The following TNS4 variants were observed in gnomAD, a reference collection of about 807,000 sequenced individuals.
TNS4 encodes tensin 4.
TNS4 carries 46 observed loss-of-function variants against 70.4 expected under a neutral mutation model. The ratio of observed to expected loss-of-function variants is 0.65; its 90% confidence interval spans 0.52 to 0.84. TNS4 has a LOEUF of 0.84. Among genes scored for constraint, TNS4 ranks in the 40% least tolerant of loss-of-function variants. TNS4 has a pLI of 0.00. For synonymous variants in TNS4, 390 were observed against 366.6 expected, an observed-to-expected ratio of 1.06 and a Z score of -0.73; for missense variants, 863 against 907.0, an observed-to-expected ratio of 0.95 and a Z score of 0.62.
intron 2 of TNS4, among the ~76,000 whole-genome samples, chr17:40,492,840 T>G (rs56220023): frequency 5.3e-5 from 8 of 150,822 alleles, no homozygotes; most frequent in South Asian, 2.1e-4. Flanking sequence ...AGGTCAAGAG[T>G]TCAAGACCAG....
chr17:40,492,809 G>A (rs1381814761), intron 2 of TNS4, among the ~76,000 whole-genome samples: 5 of 151,858 alleles, frequency 3.3e-5, no homozygotes, highest in Non-Finnish European at 7.4e-5. Flanking sequence ...GGCCAAGGTG[G>A]GCGAATCACC....
rs771789885 is a variant in TNS4 at position 40,488,606 on chromosome 17, C to T, written c.803G>A (p.Gly268Asp). 35 of 1,516,312 alleles carry T rather than the reference C, an allele frequency of 2.3e-5. No individual in the cohort carries two copies. Among genetic ancestry groups the T allele is most frequent in the Non-Finnish European group, 3.0e-5 (34 of 1,132,698 alleles). 93.9% of individuals were successfully genotyped at this position (1,516,312 alleles called of 1,614,324 possible). A position where few individuals can be genotyped will look rare whatever the true frequency, so the allele number is the denominator to read the frequency against. Residue 268 changes from glycine (G) to aspartate (D), a missense_variant, in exon 3 of 13, where the codon GGC becomes GAC. By Grantham distance (94) the Gly-to-Asp change is moderately conservative. Transcript: ENST00000254051. ...KRLGGLAPQR[G>D]SRISVLSASP... ...GGCTGACAGCACAGAGATCCTGCTG[C>T]CCCGCTGTGGGGCCAGGCCTCCCAG...
In TNS4 at chr17:40,480,754, C is replaced by A. The variant is rs1340374224; in HGVS notation, c.1687G>T (p.Asp563Tyr). Reference sequence around the variant, plus strand: ...CTGTCTGTAGAGTCCGAGGCCCCATCTGCACCTCCCAGTTCTGAGCCAAGG... The same window carrying A: ...CTGTCTGTAGAGTCCGAGGCCCCATATGCACCTCCCAGTTCTGAGCCAAGG... ...TIPQRELGGA[D>Y]GASDSTDSPA... Residue 563 changes from aspartate (D) to tyrosine (Y), a missense_variant, in exon 9 of 13, where the codon GAT becomes TAT. By Grantham distance (160) the Asp-to-Tyr change is radical. Transcript: ENST00000254051. The A allele has an allele frequency of 1.2e-6, 2 of 1,601,208 alleles. No individual in the cohort carries two copies. The highest frequency in any genetic ancestry group is 1.7e-6 in the Non-Finnish European group (2 of 1,174,800).
intron 2 of TNS4, among the ~76,000 whole-genome samples, chr17:40,490,457 C>T (rs754434637): frequency 6.6e-6 from 1 of 152,208 alleles, no homozygotes; most frequent in Non-Finnish European, 1.5e-5. Flanking sequence ...CTCTAGCTTC[C>T]TGGGATGGAG....
intron 1 of TNS4, among the ~76,000 whole-genome samples, chr17:40,500,814 G>A (rs1196569202): frequency 1.4e-5 from 2 of 139,526 alleles, no homozygotes; most frequent in Non-Finnish European, 3.1e-5. Flanking sequence ...ACCCAGACCC[G>A]GTGACGCAGG....
chr17:40,494,065 G>A (rs927769302), intron 2 of TNS4, among the ~76,000 whole-genome samples: 3 of 152,270 alleles, frequency 2.0e-5, no homozygotes, highest in African/African-American at 7.2e-5. Flanking sequence ...AGGGGACAGA[G>A]CAGGCAGGAG....
At chr17:40,483,718 G>A (rs1336369147) in intron 6 of TNS4, among the ~76,000 whole-genome samples, 1 of 152,150 alleles carries the variant, frequency 6.6e-6, no homozygotes, top group Admixed American at 6.6e-5. Context: ...CCTCCCCAGA[G>A]GTCACTTTCT....
chr17:40,480,143 C>T (rs780377843), intron 9 of TNS4: 54 of 372,490 alleles, frequency 1.4e-4, no homozygotes, highest in Middle Eastern at 7.0e-4. Context: ...CCACACTTAA[C>T]GGCTGCTCTC....
At chr17:40,478,145 C>G (rs1567807513) in intron 12 of TNS4, 162 bp downstream of exon 12, 2 of 893,616 alleles carry the variant, frequency 2.2e-6, no homozygotes, top group East Asian at 5.3e-5. Context: ...CCCAGAGGCT[C>G]TGAGGGCAGT....
chr17:40,484,642 G>C, intron 5 of TNS4, 33 bp from the exon 6 acceptor site: 1 of 1,608,484 alleles, frequency 6.2e-7, no homozygotes, highest in Non-Finnish European at 8.5e-7. Context: ...GATGGACACC[G>C]CCCCACCTGG....
rs761400508 is a variant in TNS4 at position 40,482,447 on chromosome 17, A to G, written c.1502-31T>C. On this transcript the variant is annotated intron_variant, in intron 6 of 12. Coordinates refer to ENST00000254051, the MANE Select transcript of TNS4 (RefSeq NM_032865.6). ...CAGAGAAGAAAGAGTGCATTCGGAT[A>G]GAATTCCACCTTGTGGCCGGGCGCG... The G allele has an allele frequency of 5.6e-6, 9 of 1,610,270 alleles. No individual in the cohort carries two copies. In the East Asian group the frequency reaches 2.0e-4, roughly 36 times the overall value.
At position 40,477,426 on chromosome 17, in the gene TNS4, G is replaced by A; in HGVS notation, c.*162C>T. 1 of 879,136 alleles carries A rather than the reference G, an allele frequency of 1.1e-6. No individual in the cohort carries two copies. Among genetic ancestry groups the A allele is most frequent in the Non-Finnish European group, 1.7e-6 (1 of 595,276 alleles). The allele number at this position is 879,136 out of a possible 1,614,324, so 54.5% of individuals were successfully genotyped here. A position where few individuals can be genotyped will look rare whatever the true frequency, so the allele number is the denominator to read the frequency against. The stretch of plus-strand genomic sequence containing the variant: ...GGGGGTCTGGATGATGGTGACTGCT[G>A]AAGGCCATAGCAGGTTCAAGGGTGT... On this transcript the variant is annotated 3_prime_UTR_variant, in exon 13 of 13. Transcript: ENST00000254051.
intron 4 of TNS4, among the ~76,000 whole-genome samples, chr17:40,485,648 A>G (rs1597692825): frequency 1.3e-5 from 2 of 152,322 alleles, no homozygotes; most frequent in South Asian, 2.1e-4. Context: ...GCAGAATTTG[A>G]TAAGATCTGG....
chr17:40,487,164 G>A lies in TNS4; in HGVS notation c.1160C>T (p.Pro387Leu), dbSNP rs748541859. The change falls in exon 4 of 13, where the codon CCA becomes CTA. Residue 387 changes from proline (P) to leucine (L), a missense_variant. Transcript: ENST00000254051. ...INGCPEPGSS[P>L]PQRTPGHQNS... Reference sequence around the variant, plus strand: ...CTGGTGTCCTGGGGTCCGCTGGGGTGGAGAAGACCCTGGTTCTGGGCAGCC... The same window carrying A: ...CTGGTGTCCTGGGGTCCGCTGGGGTAGAGAAGACCCTGGTTCTGGGCAGCC... 6.2e-7 allele frequency: 1 copy of A among 1,614,036 alleles called. No individual in the cohort carries two copies. The highest frequency in any genetic ancestry group is 1.3e-5 in the African/African-American group (1 of 74,912).
Position 40,479,742 on chromosome 17 carries a change from G to A in TNS4, c.1842C>T (p.Leu614=), listed in dbSNP as rs375406751. ...TGAAGTGGACCACGGTGGGCGTGGG[G>A]AGGATGTCCCTCTCAAAGGTGGTGG... ...AISTTFERDI[L]PTPTVVHFKV... is the part of the protein sequence containing the mutation. Residue 614 remains leucine, a synonymous_variant, in exon 10 of 13, where the codon CTC becomes CTT. Coordinates refer to ENST00000254051, the MANE Select transcript of TNS4 (RefSeq NM_032865.6). 1 of 1,614,106 alleles carries A rather than the reference G, an allele frequency of 6.2e-7. No homozygotes were observed. The highest frequency in any genetic ancestry group is 1.1e-5 in the South Asian group (1 of 91,086).
At chr17:40,496,779 A>G (rs1037531841) in intron 1 of TNS4, among the ~76,000 whole-genome samples, 1 of 152,242 alleles carries the variant, frequency 6.6e-6, no homozygotes, top group African/African-American at 2.4e-5. Flanking sequence ...CTGGCACATA[A>G]TAAGCATTAT....
At chr17:40,480,469 C>G (rs2035907163) in intron 9 of TNS4, among the ~76,000 whole-genome samples, 1 of 152,156 alleles carries the variant, frequency 6.6e-6, no homozygotes. Flanking sequence ...AGTTCTGCCA[C>G]TCCCCCCACC....
chr17:40,486,034 C>T (rs987119193), intron 4 of TNS4, among the ~76,000 whole-genome samples: 17 of 151,486 alleles, frequency 1.1e-4, no homozygotes, highest in Non-Finnish European at 2.5e-4. Flanking sequence ...GCGTCATGGC[C>T]AAGTGGGGGC....
chr17:40,492,811 C>T (rs750980237), intron 2 of TNS4, among the ~76,000 whole-genome samples: 3 of 151,652 alleles, frequency 2.0e-5, no homozygotes, highest in East Asian at 3.9e-4. Context: ...CCAAGGTGGG[C>T]GAATCACCGA....
Sources: gnomAD v4.1 joint callset for allele counts (sites outside exome capture counted in the v4.1 genomes callset) on GRCh38, gnomAD v4.1.1 for gene constraint, MANE v1.5 for transcripts, NCBI Gene and HGNC (gene_info 2026-07-23, HGNC 2026-07-21) for gene names.